BICDL1: variants seen among roughly 807,000 people sequenced by gnomAD.
The protein encoded by BICDL1 is BICD family like cargo adaptor 1.
Under a neutral mutation model 76.8 loss-of-function variants are expected in BICDL1, and 20 were observed. The observed-to-expected ratio is 0.26, with a 90% CI of 0.18 to 0.38. BICDL1 has a LOEUF of 0.38. BICDL1 is among the 10% of genes least tolerant of loss of function. The probability of loss-of-function intolerance (pLI) is 1.00; values close to 1 mark genes in which losing one functional copy is unlikely to be tolerated. For missense variants in BICDL1, 700 were observed against 798.6 expected (o/e 0.88, Z 1.49); for synonymous variants, 383 against 337.1 (o/e 1.14, Z -1.49).
At chr12:120,074,778 A>C (rs1222467778) in intron 7 of BICDL1, among the ~76,000 whole-genome samples, 192 bp downstream of exon 7, 1 of 152,208 alleles carries the variant, frequency 6.6e-6, no homozygotes, top group Admixed American at 6.5e-5. Context: ...CTTTAGCCCA[A>C]AGTAAAATTG....
chr12:120,079,478 G>A lies in BICDL1; in HGVS notation c.1453-1409G>A, dbSNP rs1443115220. Among the ~76,000 whole-genome samples, 1 of 152,172 alleles carries A rather than the reference G, an allele frequency of 6.6e-6. No individual in the cohort carries two copies. Among genetic ancestry groups the A allele is most frequent in the Non-Finnish European group, 1.5e-5 (1 of 68,032 alleles). On this transcript the variant is annotated intron_variant, in intron 7 of 9. Transcript: ENST00000548673. This position sits in a 1 kb window ranked among gnomAD's most constrained non-coding sequence, Gnocchi z 4.3. ...GTGGCATTTGTCCCGTTGTGGGAGG[G>A]AGGCAGACCTGTATGGATGGATCCT...
At chr12:120,059,300 C>T (rs1451299334) in intron 2 of BICDL1, among the ~76,000 whole-genome samples, 3 of 151,472 alleles carry the variant, frequency 2.0e-5, no homozygotes, top group East Asian at 1.9e-4. Flanking sequence ...GACTGAGTCT[C>T]GCTCTGTAGC....
chr12:120,063,305 G>C (rs1953147300), intron 3 of BICDL1, among the ~76,000 whole-genome samples: 5 of 152,130 alleles, frequency 3.3e-5, no homozygotes, highest in Admixed American at 3.3e-4. Context: ...CACAAAAGGG[G>C]CTTGCTCCTT....
At chr12:120,025,246 T>C (rs1009594118) in intron 2 of BICDL1, among the ~76,000 whole-genome samples, 2 of 151,678 alleles carry the variant, frequency 1.3e-5, no homozygotes, top group Admixed American at 6.6e-5. Context: ...GAGATGGGGT[T>C]TCACCGTGTT....
At chr12:120,084,819 G>A (rs1874269371) in intron 8 of BICDL1, among the ~76,000 whole-genome samples, 1 of 151,812 alleles carries the variant, frequency 6.6e-6, no homozygotes, top group Non-Finnish European at 1.5e-5. Context: ...GAACCCGGGA[G>A]GCAGAAGTTG....
intron 8 of BICDL1, among the ~76,000 whole-genome samples, chr12:120,081,339 A>C (rs1412744034): frequency 6.7e-6 from 1 of 150,250 alleles, no homozygotes; most frequent in Non-Finnish European, 1.5e-5. Flanking sequence ...TTGTATCTTA[A>C]AGAGCTTTCC....
chr12:120,047,719 A>C, intron 2 of BICDL1, among the ~76,000 whole-genome samples: 1 of 151,960 alleles, frequency 6.6e-6, no homozygotes, highest in Admixed American at 6.6e-5. Flanking sequence ...TGAGGTAGAG[A>C]GTGGTTAGAT....
intron 2 of BICDL1, among the ~76,000 whole-genome samples, chr12:120,061,433 T>C (rs1405838512): frequency 6.6e-6 from 1 of 151,936 alleles, no homozygotes; most frequent in Non-Finnish European, 1.5e-5. Context: ...AGAGTAATAA[T>C]GATAACTAAC....
chr12:120,053,500 T>A (rs1307423438), intron 2 of BICDL1, among the ~76,000 whole-genome samples: 1 of 152,246 alleles, frequency 6.6e-6, no homozygotes, highest in Non-Finnish European at 1.5e-5. Context: ...TTATAATCCA[T>A]TACTGTCATT....
chr12:120,088,866 C>A (rs1874677209), intron 8 of BICDL1, among the ~76,000 whole-genome samples: 2 of 151,458 alleles, frequency 1.3e-5, no homozygotes, highest in South Asian at 4.2e-4. Flanking sequence ...CGGGGTTTCA[C>A]TGTTAGCCAG....
In BICDL1 at chr12:120,008,154, T is replaced by C. The variant is rs1057392589; in HGVS notation, c.645+9418T>C. Among the ~76,000 whole-genome samples the C allele has an allele frequency of 2.3e-5, 3 of 130,680 alleles. No homozygotes were observed. In the East Asian group the frequency reaches 6.6e-4, roughly 29 times the overall value. The allele number at this position is 130,680 out of a possible 152,430, so 85.7% of individuals were successfully genotyped here. A position where few individuals can be genotyped will look rare whatever the true frequency, so the allele number is the denominator to read the frequency against. On this transcript the variant is annotated intron_variant, in intron 2 of 9. Transcript: ENST00000548673. ...AAGTCATGATAATTACTCTTTCTTT[T>C]TTTTTTTTTTTTTTTTTTTTTTGAG...
Position 119,989,625 on chromosome 12 carries a change from C to T in BICDL1, c.-244C>T, listed in dbSNP as rs1428287279. On this transcript the variant is annotated 5_prime_UTR_variant, in exon 1 of 10. Transcript: ENST00000548673. ...CCACCACCTACTCCGCCACTACCCC[C>T]ACCCCCTCCTCCCGCGCGCGCCTGA... Among the ~76,000 whole-genome samples the T allele has an allele frequency of 2.7e-5, 4 of 149,786 alleles. No homozygotes were observed. Among genetic ancestry groups the T allele is most frequent in the Non-Finnish European group, 5.9e-5 (4 of 67,230 alleles).
intron 2 of BICDL1, among the ~76,000 whole-genome samples, chr12:120,033,367 CTTTTTTTT>C (rs569302592): frequency 1.3e-5 from 1 of 77,624 alleles, no homozygotes. Context: ...GAGTTCTTGC[CTTTTTTTT>C]TTTTTTTTTT....
intron 2 of BICDL1, among the ~76,000 whole-genome samples, chr12:120,025,257 A>C (rs534138811): frequency 5.3e-5 from 8 of 151,646 alleles, no homozygotes; most frequent in Non-Finnish European, 8.8e-5. Context: ...TCACCGTGTT[A>C]GCCAGGATGG....
chr12:120,061,670 A>G (rs1594184722), intron 2 of BICDL1, 40 bp from the exon 3 acceptor site: 4 of 1,393,220 alleles, frequency 2.9e-6, no homozygotes, highest in Non-Finnish European at 4.1e-6. Flanking sequence ...GTTCCTTTGC[A>G]TAACCTCCGA....
At chr12:120,045,728 A>T (rs910262724) in intron 2 of BICDL1, among the ~76,000 whole-genome samples, 2 of 135,836 alleles carry the variant, frequency 1.5e-5, no homozygotes, top group East Asian at 4.8e-4. Flanking sequence ...ATGAGAACAC[A>T]TGGACATAGG....
intron 7 of BICDL1, 71 bp from the exon 8 acceptor site, chr12:120,080,816 T>C: frequency 6.4e-7 from 1 of 1,569,790 alleles, no homozygotes; most frequent in Non-Finnish European, 8.7e-7. Context: ...GGTCTCTTTG[T>C]TCCTTTTTCC....
intron 4 of BICDL1, 91 bp downstream of exon 4, chr12:120,064,970 G>A: frequency 8.6e-6 from 12 of 1,399,120 alleles, no homozygotes; most frequent in Non-Finnish European, 1.1e-5. Context: ...CAGCATCACT[G>A]CTGGGGTAAG....
chr12:120,070,976 C>T (rs1228151329), intron 4 of BICDL1, among the ~76,000 whole-genome samples: 2 of 151,832 alleles, frequency 1.3e-5, no homozygotes, highest in East Asian at 1.9e-4. Context: ...ATGATCTGCC[C>T]CCTTTGGCCT....
Sources: gnomAD v4.1 joint callset for allele counts (sites outside exome capture counted in the v4.1 genomes callset) on GRCh38, gnomAD v4.1.1 for gene constraint, Gnocchi (gnomAD v3.1) non-coding constraint, MANE v1.5 for transcripts, NCBI Gene and HGNC (gene_info 2026-07-23, HGNC 2026-07-21) for gene names.